RSPO1: variants seen among roughly 807,000 people sequenced by gnomAD.
RSPO1 encodes R-spondin 1.
RSPO1 carries 18 observed loss-of-function variants against 26.0 expected under a neutral mutation model. The ratio of observed to expected loss-of-function variants is 0.69; its 90% CI spans 0.48 to 1.03. RSPO1 has a LOEUF of 1.03. RSPO1 is among the 50% of genes least tolerant of loss of function. The pLI, the probability that RSPO1 is intolerant of heterozygous loss-of-function variation, is 0.00. For missense variants in RSPO1, 309 were observed against 352.3 expected (o/e 0.88, Z 0.98); for synonymous variants, 133 against 137.4 (o/e 0.97, Z 0.22).
chr1:37,623,916 C>T (rs1644240264), intron 3 of RSPO1, among the ~76,000 whole-genome samples: 1 of 151,832 alleles, frequency 6.6e-6, no homozygotes, highest in African/African-American at 2.4e-5. Flanking sequence ...TGCACCACCA[C>T]ACCCAGCTGA....
rs1570093774 is a variant in RSPO1 at position 37,613,648 on chromosome 1, C to T, written c.625+56G>A. 2.0e-6 allele frequency: 3 copies of T among 1,473,276 alleles called. No homozygotes were observed. The East Asian group carries it at 6.9e-5, about 34-fold the overall frequency. The allele number at this position is 1,473,276 out of a possible 1,614,324, so 91.3% of individuals were successfully genotyped here. On this transcript the variant is annotated intron_variant, in intron 6 of 6. Coordinates refer to ENST00000356545, the MANE Select transcript of RSPO1 (RefSeq NM_001242908.2). This position sits in a 1 kb window ranked among gnomAD's most constrained non-coding sequence, Gnocchi z 4.5. The stretch of plus-strand genomic sequence containing the variant: ...TGGGCAGGAAGCAGAGGTGGCAGGA[C>T]CTGTCATGGCTGGTGCCTGAGCCCT...
intron 3 of RSPO1, among the ~76,000 whole-genome samples, chr1:37,617,785 C>T (rs1470736068): frequency 6.6e-6 from 1 of 151,880 alleles, no homozygotes; most frequent in Non-Finnish European, 1.5e-5. Flanking sequence ...CATAGAGGCC[C>T]TTCCATGGAC....
At position 37,613,901 on chromosome 1, in the gene RSPO1, AAGAGAAGGGAAGGG is replaced by A. The variant is rs762619739; in HGVS notation, c.437-23_437-10del. 28 of 1,613,698 alleles carry A rather than the reference AAGAGAAGGGAAGGG, an allele frequency of 1.7e-5. No homozygotes were observed. The highest frequency in any genetic ancestry group is 2.4e-5 in the Non-Finnish European group (28 of 1,179,878). ...GCTCATTTCACATTGCGCTGGCAGGAAGAGAAGGGAAGGGAGAGAAGGACAAGGAGGAGGGGATC... is the reference window on the plus strand; with the variant it reads ...GCTCATTTCACATTGCGCTGGCAGGAAGAGAAGGACAAGGAGGAGGGGATC... On this transcript the variant is annotated splice_polypyrimidine_tract_variant and intron_variant, in intron 5 of 6. Coordinates refer to ENST00000356545, the MANE Select transcript of RSPO1 (RefSeq NM_001242908.2). The surrounding 1 kb of genome is among the most constrained non-coding windows in gnomAD (Gnocchi z 4.5).
chr1:37,620,437 C>T (rs1644183145), intron 3 of RSPO1, among the ~76,000 whole-genome samples: 1 of 152,036 alleles, frequency 6.6e-6, no homozygotes, highest in Admixed American at 6.6e-5. Context: ...TCGAGGCCAG[C>T]CTGGCCAATA....
intron 3 of RSPO1, among the ~76,000 whole-genome samples, chr1:37,617,167 T>C (rs1644127254): frequency 6.6e-6 from 1 of 152,192 alleles, no homozygotes; most frequent in African/African-American, 2.4e-5. Flanking sequence ...CAACCAGGGA[T>C]GATTTTGCTC....
rs1341156445 is a variant in RSPO1 at position 37,613,571 on chromosome 1, T to C, written c.625+133A>G. 1 of 733,074 alleles carries C rather than the reference T, an allele frequency of 1.4e-6. No individual in the cohort carries two copies. Among genetic ancestry groups the C allele is most frequent in the East Asian group, 2.7e-5 (1 of 37,412 alleles). The allele number at this position is 733,074 out of a possible 1,614,324, so 45.4% of individuals were successfully genotyped here. A position where few individuals can be genotyped will look rare whatever the true frequency, so the allele number is the denominator to read the frequency against. ...CATCTGGATTGGACAGCATGAGGTC[T>C]TGAGTTGCGGGTGCCCCATCTGGCC... On this transcript the variant is annotated intron_variant, in intron 6 of 6. Coordinates refer to ENST00000356545, the MANE Select transcript of RSPO1 (RefSeq NM_001242908.2). The surrounding 1 kb of genome is among the most constrained non-coding windows in gnomAD (Gnocchi z 4.5).
In RSPO1 at chr1:37,613,844, T is replaced by G; in HGVS notation, c.485A>C (p.Lys162Thr). 1 of 1,596,340 alleles carries G rather than the reference T, an allele frequency of 6.3e-7. No homozygotes were observed. The highest frequency in any genetic ancestry group is 8.6e-7 in the Non-Finnish European group (1 of 1,164,954). ...EWSPWGPCSK[K>T]QQLCGFRRGS... ...CCTCCGGAAACCACAGAGCTGCTGC[T>G]TCTTGGAGCAGGGCCCCCACGGAGA... Residue 162 changes from lysine to threonine, a missense_variant, in exon 6 of 7, where the codon AAG becomes ACG. Physicochemically the swap from Lys to Thr is moderately conservative, Grantham distance 78. Coordinates refer to ENST00000356545, the MANE Select transcript of RSPO1 (RefSeq NM_001242908.2). This position sits in a 1 kb window ranked among gnomAD's most constrained non-coding sequence, Gnocchi z 4.5.
intron 3 of RSPO1, among the ~76,000 whole-genome samples, chr1:37,625,657 G>A (rs1301228603): frequency 5.3e-5 from 8 of 151,574 alleles, no homozygotes; most frequent in East Asian, 1.9e-4. Context: ...CCCTGGGCAC[G>A]TCCCGCTGGT....
intron 3 of RSPO1, among the ~76,000 whole-genome samples, chr1:37,619,070 A>G (rs1238304186): frequency 6.6e-6 from 1 of 152,154 alleles, no homozygotes; most frequent in East Asian, 1.9e-4. Context: ...AAAGATACAC[A>G]AAATTAGCTG....
In RSPO1 at chr1:37,631,173, G is replaced by A. The variant is rs537935573; in HGVS notation, c.-289+1114C>T. ...AGGCCCCAGCAGAGCCCACCTGCAC[G>A]GGAGATAAATCATTATCCCCTAAGG... On this transcript the variant is annotated intron_variant, in intron 2 of 6. Coordinates refer to ENST00000356545, the MANE Select transcript of RSPO1 (RefSeq NM_001242908.2). Among the ~76,000 whole-genome samples the A allele has an allele frequency of 1.5e-3, 233 of 152,092 alleles. 2 individuals are homozygous for A. The highest frequency in any genetic ancestry group is 5.4e-3 in the Admixed American group (83 of 15,278).
chr1:37,627,381 A>G (rs1161931581), intron 3 of RSPO1, among the ~76,000 whole-genome samples: 1 of 152,124 alleles, frequency 6.6e-6, no homozygotes, highest in Admixed American at 6.6e-5. Flanking sequence ...ACAGAACTTG[A>G]TGTTTTACAA....
rs749403556 is a variant in RSPO1, at chr1:37,613,864, C to T, written c.465G>A (p.Pro155=). ...PAQCEMSEWS[P]WGPCSKKQQL... is the part of the protein sequence containing the mutation. Reference sequence around the variant, plus strand: ...GCTGCTTCTTGGAGCAGGGCCCCCACGGAGACCACTCGCTCATTTCACATT... The same window carrying T: ...GCTGCTTCTTGGAGCAGGGCCCCCATGGAGACCACTCGCTCATTTCACATT... The change falls in exon 6 of 7, where the codon CCG becomes CCA. Residue 155 remains proline (P), a synonymous_variant. Coordinates refer to ENST00000356545, the MANE Select transcript of RSPO1 (RefSeq NM_001242908.2). This position sits in a 1 kb window ranked among gnomAD's most constrained non-coding sequence, Gnocchi z 4.5. 7 of 1,613,972 alleles carry T rather than the reference C, an allele frequency of 4.3e-6. No individual in the cohort carries two copies. The highest frequency in any genetic ancestry group is 5.9e-6 in the Non-Finnish European group (7 of 1,180,030).
intron 2 of RSPO1, among the ~76,000 whole-genome samples, chr1:37,630,527 C>T (rs1208167384): frequency 6.6e-6 from 1 of 152,226 alleles, no homozygotes; most frequent in Non-Finnish European, 1.5e-5. Context: ...CACAGCAGGC[C>T]CGGCGGGCCT....
chr1:37,630,325 G>GCTCT (rs5773594), intron 2 of RSPO1, among the ~76,000 whole-genome samples: 1 of 151,026 alleles, frequency 6.6e-6, no homozygotes, highest in African/African-American at 2.4e-5. Flanking sequence ...TTGAAGAGGA[G>GCTCT]CTCTCTCTCT....
intron 3 of RSPO1, among the ~76,000 whole-genome samples, chr1:37,627,511 A>C (rs1570120900): frequency 6.6e-6 from 1 of 152,098 alleles, no homozygotes; most frequent in South Asian, 2.1e-4. Flanking sequence ...TTAGCCAGGC[A>C]TGGTGACACA....
In RSPO1 at chr1:37,629,805, A is replaced by G; in HGVS notation, c.-144T>C. On this transcript the variant is annotated 5_prime_UTR_variant, in exon 3 of 7. An upstream open reading frame in the 5' UTR loses its in-frame stop. Coordinates refer to ENST00000356545, the MANE Select transcript of RSPO1 (RefSeq NM_001242908.2). ...CGTAGCCCAAATCCACCATAATCTC[A>G]GCTGGGGACAGAGAGGGTGTGGGGA... 6.4e-7 allele frequency: 1 copy of G among 1,550,494 alleles called. No individual in the cohort carries two copies. The highest frequency in any genetic ancestry group is 8.7e-7 in the Non-Finnish European group (1 of 1,146,168).
chr1:37,625,781 C>T lies in RSPO1; in HGVS notation c.94+3787G>A, dbSNP rs192919979. On this transcript the variant is annotated intron_variant, in intron 3 of 6. Coordinates refer to ENST00000356545, the MANE Select transcript of RSPO1 (RefSeq NM_001242908.2). ...GCAACCTCCGCCTCCCAGGTACAAG[C>T]GATTCTCCTGCCTCAGCCTCCCAAG... Among the ~76,000 whole-genome samples, 366 of 151,930 alleles carry T rather than the reference C, an allele frequency of 2.4e-3. 3 individuals carry two copies. Among genetic ancestry groups the T allele is most frequent in the African/African-American group, 8.3e-3 (342 of 41,446 alleles).
rs1644414787 is a variant in RSPO1, at chr1:37,634,774, T to G, written c.-564A>C. ...CCTCCGGGGCGGCTCGGAGCTGCCC[T>G]CGTTCTCCGCAGCACCCGAGCGGAT... On this transcript the variant is annotated 5_prime_UTR_variant, in exon 1 of 7. Transcript: ENST00000356545. This position sits in a 1 kb window ranked among gnomAD's most constrained non-coding sequence, Gnocchi z 4.7. 6.6e-6 allele frequency: 1 copy of G among 152,246 alleles called. No individual in the cohort carries two copies. Among genetic ancestry groups the G allele is most frequent in the African/African-American group, 2.4e-5 (1 of 41,456 alleles). 9.4% of individuals were successfully genotyped at this position (152,246 alleles called of 1,614,324 possible). A position where few individuals can be genotyped will look rare whatever the true frequency, so the allele number is the denominator to read the frequency against.
intron 3 of RSPO1, among the ~76,000 whole-genome samples, chr1:37,625,315 A>G (rs994873563): frequency 2.6e-5 from 4 of 152,186 alleles, no homozygotes; most frequent in Non-Finnish European, 5.9e-5. Context: ...TGGTGTATGG[A>G]TGGATCTTAA....
Sources: gnomAD v4.1 joint callset for allele counts (sites outside exome capture counted in the v4.1 genomes callset) on GRCh38, gnomAD v4.1.1 for gene constraint, Gnocchi (gnomAD v3.1) non-coding constraint, MANE v1.5 for transcripts, NCBI Gene and HGNC (gene_info 2026-07-23, HGNC 2026-07-21) for gene names.